The following ERCC6L2 variants were observed in gnomAD, a reference collection of about 807,000 sequenced individuals.
ERCC6L2 encodes the protein DNA excision repair protein ERCC-6-like 2.
A neutral mutation model predicts 132.0 loss-of-function variants in ERCC6L2; 77 were observed. The observed-to-expected ratio is 0.58, with a 90% confidence interval of 0.49 to 0.71. ERCC6L2 has a LOEUF of 0.71. Ranked by LOEUF, ERCC6L2 falls within the 30% of genes least tolerant of loss-of-function variation. The probability of loss-of-function intolerance (pLI) is 0.00; values close to 1 mark genes in which losing one functional copy is unlikely to be tolerated. For synonymous variants in ERCC6L2, 583 were observed against 632.4 expected, an observed-to-expected ratio of 0.92 and a Z score of 1.17; for missense variants, 1,542 against 1,837.6, an observed-to-expected ratio of 0.84 and a Z score of 2.94.
chr9:95,879,822 A>C (rs1444721524), intron 1 of ERCC6L2, among the ~76,000 whole-genome samples: 4 of 152,246 alleles, frequency 2.6e-5, no homozygotes, highest in Non-Finnish European at 5.9e-5. Context: ...GGAAGACCCT[A>C]GGAAACTGCC....
downstream of ERCC6L2, among the ~76,000 whole-genome samples, chr9:96,019,484 G>A (rs918900990): frequency 2.6e-5 from 4 of 152,016 alleles, no homozygotes; most frequent in African/African-American, 9.7e-5. Context: ...AAAGCCCTAG[G>A]TTCCTTCCAT....
At position 95,928,834 on chromosome 9, in the gene ERCC6L2, A is replaced by G. The variant is rs1022591729; in HGVS notation, c.1721A>G (p.Gln574Arg). Reference protein sequence around the residue: ...LKIVKEFNSTQDVNICLVSTM... With the variant: ...LKIVKEFNSTRDVNICLVSTM... Reference sequence around the variant, plus strand: ...ATTGTAAAAGAGTTCAACAGTACACAAGATGTTAACATTTGCCTTGTCTCT... The same window carrying G: ...ATTGTAAAAGAGTTCAACAGTACACGAGATGTTAACATTTGCCTTGTCTCT... Residue 574 changes from glutamine (Q) to arginine (R), a missense_variant, in exon 11 of 19, where the codon CAA becomes CGA. Gln to Arg is a conservative substitution (Grantham distance 43, BLOSUM62 1). This residue lies in a region of ERCC6L2 where 945 missense variants were observed against 1,105.2 expected (regional missense o/e 0.86). Coordinates refer to ENST00000653738, the MANE Select transcript of ERCC6L2 (RefSeq NM_020207.7). 1 of 1,605,416 alleles carries G rather than the reference A, an allele frequency of 6.2e-7. No homozygotes were observed. Among genetic ancestry groups the G allele is most frequent in the Non-Finnish European group, 8.5e-7 (1 of 1,176,612 alleles).
rs1832484132 is a variant in ERCC6L2 at position 95,972,849 on chromosome 9, A to G, written c.3098A>G (p.His1033Arg). The G allele has an allele frequency of 1.5e-6, 2 of 1,305,184 alleles. No individual in the cohort carries two copies. Among genetic ancestry groups the G allele is most frequent in the South Asian group, 1.2e-5 (1 of 81,004 alleles). The allele number at this position is 1,305,184 out of a possible 1,614,324, so 80.9% of individuals were successfully genotyped here. A position where few individuals can be genotyped will look rare whatever the true frequency, so the allele number is the denominator to read the frequency against. The change falls in exon 16 of 19, where the codon CAT becomes CGT. Residue 1033 changes from histidine to arginine, a missense_variant. Physicochemically the swap from His to Arg is conservative, Grantham distance 29. Coordinates refer to ENST00000653738, the MANE Select transcript of ERCC6L2 (RefSeq NM_020207.7). ...TNQVYAANED[H>R]NSQFIDDYSS... is the part of the protein sequence containing the mutation. ...CAAGTGTATGCAGCAAATGAGGATC[A>G]TAACTCTCAGTTTATTGATGATTAT... is the stretch of plus-strand genomic sequence containing the variant.
intron 17 of ERCC6L2, among the ~76,000 whole-genome samples, chr9:96,003,113 A>G (rs1258452811): frequency 4.6e-5 from 7 of 152,300 alleles, no homozygotes; most frequent in South Asian, 2.1e-4. Flanking sequence ...TTATTCATTC[A>G]TAAATAAATA....
intron 3 of ERCC6L2, among the ~76,000 whole-genome samples, chr9:95,900,857 C>T (rs10739705): frequency 0.27 from 40,874 of 151,958 alleles, 6,013 homozygotes; most frequent in East Asian, 0.4. Flanking sequence ...GAAAGAAAAA[C>T]GTTAAATTTT....
intron 12 of ERCC6L2, among the ~76,000 whole-genome samples, chr9:95,943,509 A>G (rs1365509872): frequency 1.3e-5 from 2 of 152,204 alleles, no homozygotes; most frequent in African/African-American, 2.4e-5. Context: ...TCAACATTCT[A>G]CGTTTTAAAA....
At chr9:95,958,389 T>G (rs1171699010) in intron 13 of ERCC6L2, among the ~76,000 whole-genome samples, 3 of 152,130 alleles carry the variant, frequency 2.0e-5, no homozygotes, top group African/African-American at 4.8e-5. Flanking sequence ...GATGGCTGGG[T>G]CAAATGGTAT....
At chr9:95,895,561 C>A (rs892968091) in intron 2 of ERCC6L2, among the ~76,000 whole-genome samples, 1 of 151,888 alleles carries the variant, frequency 6.6e-6, no homozygotes, top group African/African-American at 2.4e-5. Flanking sequence ...GGTACACATT[C>A]TTTTATTCTT....
chr9:95,971,629 AT>A (rs1244236045), intron 15 of ERCC6L2: 1 of 170,572 alleles, frequency 5.9e-6, no homozygotes, highest in Non-Finnish European at 1.3e-5. Context: ...CGAGGCCAGA[AT>A]TATGTGTCCT....
chr9:96,014,799 G>C lies in ERCC6L2; in HGVS notation c.*1596G>C, dbSNP rs1454588925. Among the ~76,000 whole-genome samples, 1 of 152,048 alleles carries C rather than the reference G, an allele frequency of 6.6e-6. No individual in the cohort carries two copies. The highest frequency in any genetic ancestry group is 1.5e-5 in the Non-Finnish European group (1 of 68,016). ...CCAGATGGTATGTTTTGCCATTGAG[G>C]GGCCTTCTACACAATGAGTGCATGA... On this transcript the variant is annotated 3_prime_UTR_variant, in exon 19 of 19. Coordinates refer to ENST00000653738, the MANE Select transcript of ERCC6L2 (RefSeq NM_020207.7).
At chr9:96,026,075 G>C (rs967381874) in intron 19 of ERCC6L2, 1 of 152,444 alleles carries the variant, frequency 6.6e-6, no homozygotes, top group Non-Finnish European at 1.5e-5. Context: ...GAGTGGAACC[G>C]GACCTCTGCA....
chr9:95,993,427 A>G (rs777582623), intron 17 of ERCC6L2, among the ~76,000 whole-genome samples: 10 of 152,210 alleles, frequency 6.6e-5, no homozygotes, highest in Non-Finnish European at 1.3e-4. Flanking sequence ...GGTAATTGCT[A>G]TGGTCTCGCT....
chr9:95,901,077 A>G (rs1214329865), intron 3 of ERCC6L2, among the ~76,000 whole-genome samples: 1 of 136,416 alleles, frequency 7.3e-6, no homozygotes, highest in Non-Finnish European at 1.5e-5. Flanking sequence ...CTGTCTCAGA[A>G]AAAAAAAAAA....
At position 96,037,164 on chromosome 9, in the gene ERCC6L2, A is replaced by C. The variant is rs569052949; in HGVS notation, c.*1504-1712A>C. On this transcript the variant is annotated intron_variant and NMD_transcript_variant, in intron 19 of 20. Transcript: ENST00000670016. ...TACTCTCACCTTCTACACTTACCTCACTGCAGACCAACAACAAACACTTCT... is the reference window on the plus strand; with the variant it reads ...TACTCTCACCTTCTACACTTACCTCCCTGCAGACCAACAACAAACACTTCT... Among the ~76,000 whole-genome samples, 3 of 152,250 alleles carry C rather than the reference A, an allele frequency of 2.0e-5. No homozygotes were observed. The South Asian group carries it at 6.2e-4, about 32-fold the overall frequency.
chr9:95,908,316 A>G (rs1308680224), intron 4 of ERCC6L2, among the ~76,000 whole-genome samples: 1 of 152,096 alleles, frequency 6.6e-6, no homozygotes, highest in Admixed American at 6.6e-5. Flanking sequence ...TATGACTGGT[A>G]TCCTTATAGG....
intron 11 of ERCC6L2, among the ~76,000 whole-genome samples, chr9:95,933,845 C>CAAAAA (rs10609411): frequency 8.4e-6 from 1 of 119,476 alleles, no homozygotes; most frequent in Middle Eastern, 4.4e-3. Context: ...GACTCTGTCT[C>CAAAAA]AAAAAAAAAA....
Position 96,013,865 on chromosome 9 carries a change from A to G in ERCC6L2, c.*662A>G, listed in dbSNP as rs1452494023. The G allele has an allele frequency of 6.6e-6, 1 of 152,232 alleles. No homozygotes were observed. The highest frequency in any genetic ancestry group is 1.5e-5 in the Non-Finnish European group (1 of 68,032). The allele number at this position is 152,232 out of a possible 1,614,324, so 9.4% of individuals were successfully genotyped here. A position where few individuals can be genotyped will look rare whatever the true frequency, so the allele number is the denominator to read the frequency against. On this transcript the variant is annotated 3_prime_UTR_variant, in exon 19 of 19. Transcript: ENST00000653738. ...TGAGCTGTGATTACTACCATTAGCC[A>G]CAGATACCAGTGCCTCAACTTTTTA...
At chr9:95,900,010 T>A (rs1828687064) in intron 3 of ERCC6L2, among the ~76,000 whole-genome samples, 1 of 152,168 alleles carries the variant, frequency 6.6e-6, no homozygotes, top group Non-Finnish European at 1.5e-5. Context: ...TAATGTACAT[T>A]GCTATTTACC....
At chr9:95,988,755 A>G (rs1422421036) in intron 17 of ERCC6L2, among the ~76,000 whole-genome samples, 2 of 152,164 alleles carry the variant, frequency 1.3e-5, no homozygotes, top group Non-Finnish European at 2.9e-5. Flanking sequence ...CAAGCAGTCA[A>G]TTCTGTAGCA....
Sources: allele counts gnomAD v4.1 joint callset (sites outside exome capture counted in the v4.1 genomes callset), GRCh38; gene constraint gnomAD v4.1.1; regional missense constraint gnomAD v4.1.1; transcripts MANE v1.5; gene names NCBI Gene and HGNC (gene_info 2026-07-23, HGNC 2026-07-21).